ITGAX: variants seen among roughly 807,000 people sequenced by gnomAD.
The protein encoded by ITGAX is integrin subunit alpha X.
A neutral mutation model predicts 140.2 loss-of-function variants in ITGAX; 99 were observed. The ratio of observed to expected loss-of-function variants is 0.71; its 90% CI spans 0.60 to 0.83. The LOEUF is 0.83. ITGAX is among the 40% of genes least tolerant of loss of function. ITGAX has a pLI of 0.00. For synonymous variants in ITGAX, 631 were observed against 600.4 expected (o/e 1.05, Z -0.75); for missense variants, 1,444 against 1,482.0 (o/e 0.97, Z 0.42).
intron 20 of ITGAX, 105 bp downstream of exon 20, chr16:31,373,495 G>T: frequency 8.4e-7 from 1 of 1,189,252 alleles, no homozygotes; most frequent in Non-Finnish European, 1.1e-6. Flanking sequence ...GCCATCTGGG[G>T]CACGCCTCTG....
intron 14 of ITGAX, 41 bp from the exon 15 acceptor site, chr16:31,371,043 C>A: frequency 6.2e-7 from 1 of 1,612,698 alleles, no homozygotes; most frequent in Non-Finnish European, 8.5e-7. Context: ...AACTTCTTCC[C>A]CTACTTTCCA....
intron 1 of ITGAX, 109 bp from the exon 2 acceptor site, chr16:31,355,784 C>T: frequency 1.2e-6 from 1 of 810,986 alleles, no homozygotes; most frequent in Non-Finnish European, 2.1e-6. Context: ...ACCCAGGCAC[C>T]CCGGGCATCA....
At chr16:31,364,119 T>A (rs2080867157) in intron 14 of ITGAX, among the ~76,000 whole-genome samples, 2 of 152,072 alleles carry the variant, frequency 1.3e-5, no homozygotes, top group Admixed American at 1.3e-4. Context: ...TCAAGAAAGC[T>A]CTGTTAAAAA....
chr16:31,375,518 A>G (rs965627644), intron 20 of ITGAX, among the ~76,000 whole-genome samples: 5 of 152,232 alleles, frequency 3.3e-5, no homozygotes, highest in African/African-American at 7.2e-5. Flanking sequence ...GGAACAGACA[A>G]AGACACACTC....
Position 31,371,389 on chromosome 16 carries a change from C to G in ITGAX, c.1897C>G (p.Pro633Ala). Residue 633 changes from proline to alanine, a missense_variant, in exon 16 of 30, where the codon CCC (proline) becomes GCC (alanine). Physicochemically the swap from Pro to Ala is conservative, Grantham distance 27 (BLOSUM62 -1). Transcript: ENST00000268296. The stretch of plus-strand genomic sequence containing the variant: ...CATGCAGTTCATACCTGCCGAGATC[C>G]CCAGGTCTGCGTTTGAGTGTCGGGA... ...VSMQFIPAEI[P>A]RSAFECREQV... 1.2e-6 allele frequency: 2 copies of G among 1,614,212 alleles called. No homozygotes were observed. Among genetic ancestry groups the G allele is most frequent in the Non-Finnish European group, 1.7e-6 (2 of 1,180,044 alleles).
chr16:31,382,229 T>TTTC lies in ITGAX; in HGVS notation c.*324_*325insCTT, dbSNP rs1555479045. On this transcript the variant is annotated 3_prime_UTR_variant, in exon 30 of 30. Transcript: ENST00000268296. ...GCACGAATGATCTTTCTTTCCTTTC[T>TTTC]TTTTTTTTTTTTTTCTTTTCTTTTT... is the stretch of plus-strand genomic sequence containing the variant. 4.5e-6 allele frequency: 1 copy of TTTC among 221,036 alleles called. No individual in the cohort carries two copies. The highest frequency in any genetic ancestry group is 3.7e-5 in the African/African-American group (1 of 27,328). The allele number at this position is 221,036 out of a possible 1,614,324, so 13.7% of individuals were successfully genotyped here. A position where few individuals can be genotyped will look rare whatever the true frequency, so the allele number is the denominator to read the frequency against.
rs1043448553 is a variant in ITGAX, at chr16:31,359,980, C to A, written c.622C>A (p.Arg208Ser). 6.2e-7 allele frequency: 1 copy of A among 1,614,124 alleles called. No homozygotes were observed. Among genetic ancestry groups the A allele is most frequent in the South Asian group, 1.1e-5 (1 of 91,088 alleles). The change falls in exon 7 of 30, where the codon CGC becomes AGC. Residue 208 changes from arginine to serine, a missense_variant. Transcript: ENST00000268296. ...ACACTTCACTTTCGAGGAATTCAGG[C>A]GCAGCTCAAACCCCCTCAGCCTGTT... ...QTHFTFEEFR[R>S]SSNPLSLLAS... is the part of the protein sequence containing the mutation.
chr16:31,356,828 T>A, intron 3 of ITGAX, 100 bp downstream of exon 3: 1 of 936,944 alleles, frequency 1.1e-6, no homozygotes, highest in Non-Finnish European at 1.6e-6. Flanking sequence ...GCTTCCACTG[T>A]GTCTGAGACC....
At chr16:31,374,263 T>G (rs1290502995) in intron 20 of ITGAX, among the ~76,000 whole-genome samples, 1 of 151,242 alleles carries the variant, frequency 6.6e-6, no homozygotes, top group African/African-American at 2.4e-5. Context: ...CACTCCAGCC[T>G]GCACAACAGA....
chr16:31,372,479 C>T lies in ITGAX; in HGVS notation c.2262C>T (p.Ala754=), dbSNP rs369596158. The T allele has an allele frequency of 1.4e-4, 220 of 1,607,266 alleles. 4 individuals carry two copies. The South Asian group carries it at 1.7e-3, about 12-fold the overall frequency. The part of the protein sequence containing the change: ...LAFRNLRPML[A]ADAQRYFTAS... ...TCAGAAACCTGCGGCCTATGCTGGC[C>T]GCCGATGCTCAGAGATACTTCACGG... The change falls in exon 18 of 30, where the codon GCC becomes GCT. Residue 754 remains alanine (A), a synonymous_variant. Coordinates refer to ENST00000268296, the MANE Select transcript of ITGAX (RefSeq NM_000887.5).
intron 2 of ITGAX, chr16:31,356,234 G>C (rs1220871552): frequency 2.0e-6 from 1 of 496,726 alleles, no homozygotes; most frequent in Non-Finnish European, 3.6e-6. Flanking sequence ...CCACACGACA[G>C]CCTGTGAGTA....
Position 31,380,972 on chromosome 16 carries a change from T to C in ITGAX, c.3352T>C (p.Leu1118=). 1 of 1,614,148 alleles carries C rather than the reference T, an allele frequency of 6.2e-7. No homozygotes were observed. Among genetic ancestry groups the C allele is most frequent in the East Asian group, 2.2e-5 (1 of 44,890 alleles). ...CGTAGGCAGCTCCATTGGGGGTCTG[T>C]TGCTGCTGGCACTCATCACAGCGGT... ...LIVGSSIGGL[L]LLALITAVLY... Residue 1118 remains leucine, a synonymous_variant, in exon 29 of 30, where the codon TTG becomes CTG. Transcript: ENST00000268296.
intron 19 of ITGAX, among the ~76,000 whole-genome samples, chr16:31,372,915 A>AAACAAAACAACAACAAC (rs139045178): frequency 6.7e-6 from 1 of 149,534 alleles, no homozygotes; most frequent in African/African-American, 2.5e-5. Flanking sequence ...CACAAAAACA[A>AAACAAAACAACAACAAC]AACAACAACA....
At chr16:31,365,712 C>A (rs1328739852) in intron 14 of ITGAX, among the ~76,000 whole-genome samples, 1 of 152,254 alleles carries the variant, frequency 6.6e-6, no homozygotes, top group African/African-American at 2.4e-5. Context: ...CACTTGAGGT[C>A]AGGAGTTCCA....
At chr16:31,356,819 C>A in intron 3 of ITGAX, 91 bp downstream of exon 3, 2 of 1,005,728 alleles carry the variant, frequency 2.0e-6, no homozygotes, top group South Asian at 1.5e-5. Context: ...TCACTTTCAG[C>A]TTCCACTGTG....
chr16:31,379,409 G>A (rs563277605), intron 23 of ITGAX, among the ~76,000 whole-genome samples, 159 bp from the exon 24 acceptor site: 126 of 152,238 alleles, frequency 8.3e-4, no homozygotes, highest in Non-Finnish European at 6.0e-4. Flanking sequence ...GAGCCACCGC[G>A]CCTGGCCTCT....
chr16:31,361,907 C>T lies in ITGAX; in HGVS notation c.1084C>T (p.Pro362Ser), dbSNP rs762154585. Residue 362 changes from proline to serine, a missense_variant and splice_region_variant, in exon 10 of 30, where the codon CCT becomes TCT. By Grantham distance (74) the Pro-to-Ser change is moderately conservative (BLOSUM62 -1). Transcript: ENST00000268296. Reference sequence around the variant, plus strand: ...GGAGGGCTTCAGCGCTGTGTTCACACCTGTGAGTGGGGCCCCTTAGGCCGA... The same window carrying T: ...GGAGGGCTTCAGCGCTGTGTTCACATCTGTGAGTGGGGCCCCTTAGGCCGA... ...AQEGFSAVFT[P>S]DGPVLGAVGS... 2.5e-6 allele frequency: 4 copies of T among 1,613,926 alleles called. No individual in the cohort carries two copies. The highest frequency in any genetic ancestry group is 3.4e-6 in the Non-Finnish European group (4 of 1,180,016).
intron 19 of ITGAX, 83 bp from the exon 20 acceptor site, chr16:31,373,166 T>TC: frequency 8.3e-6 from 4 of 481,082 alleles, no homozygotes; most frequent in African/African-American, 2.0e-5. Flanking sequence ...ATCTCCCAAA[T>TC]CCCCACCCAC....
In ITGAX at chr16:31,382,262, T is replaced by TG; in HGVS notation, c.*355_*356insG. On this transcript the variant is annotated 3_prime_UTR_variant, in exon 30 of 30. Transcript: ENST00000268296. ...TTTTTTTCTTTTCTTTTTTTTTTTT[T>TG]TGAGACGGAGTCTCGCTCTGTCACC... 1 of 997,286 alleles carries TG rather than the reference T, an allele frequency of 1.0e-6. No homozygotes were observed. The highest frequency in any genetic ancestry group is 1.3e-6 in the Non-Finnish European group (1 of 796,850). The allele number at this position is 997,286 out of a possible 1,614,324, so 61.8% of individuals were successfully genotyped here.
Sources: allele counts gnomAD v4.1 joint callset (sites outside exome capture counted in the v4.1 genomes callset), GRCh38; gene constraint gnomAD v4.1.1; transcripts MANE v1.5; gene names NCBI Gene and HGNC (gene_info 2026-07-23, HGNC 2026-07-21).